Variants in SH3KBP1 observed in about 807,000 individuals in gnomAD.
SH3KBP1 encodes SH3 domain-containing kinase-binding protein 1.
SH3KBP1 carries 8 observed loss-of-function variants against 50.1 expected under a neutral mutation model. The ratio of observed to expected loss-of-function variants is 0.16; its 90% CI spans 0.09 to 0.29. The LOEUF (loss-of-function observed/expected upper bound fraction) is 0.29, where lower values mean the gene tolerates loss of function less well. SH3KBP1 is among the 10% of genes least tolerant of loss of function. SH3KBP1 has a pLI of 1.00. For synonymous variants in SH3KBP1, 227 were observed against 218.6 expected (o/e 1.04, Z -0.34); for missense variants, 377 against 535.2 (o/e 0.70, Z 2.92).
chrX:19,581,387 G>A (rs1357320074), intron 12 of SH3KBP1, among the ~76,000 whole-genome samples: 1 of 112,435 alleles, frequency 8.9e-6, no homozygotes, highest in Non-Finnish European at 1.9e-5. Flanking sequence ...CAACACCTGA[G>A]TAATCCCAAT....
chrX:19,695,470 T>C, intron 5 of SH3KBP1, 142 bp downstream of exon 5: 1 of 664,340 alleles, frequency 1.5e-6, no homozygotes, highest in Non-Finnish European at 2.3e-6. Context: ...TAAACCACAG[T>C]GGGTTAAGGC....
At chrX:19,592,226 T>C (rs924718953) in intron 10 of SH3KBP1, 79 bp from the exon 11 acceptor site, 3 of 829,669 alleles carry the variant, frequency 3.6e-6, no homozygotes, top group South Asian at 2.2e-5. Context: ...TAAATCTTTA[T>C]CAGGTAGAGC....
chrX:19,735,724 C>CGGGG (rs1175892426), intron 3 of SH3KBP1, among the ~76,000 whole-genome samples: 21 of 8,590 alleles, frequency 2.4e-3, no homozygotes, highest in Non-Finnish European at 5.0e-3. Context: ...TTTTTTTTGG[C>CGGGG]GGGGGGGGGG....
At chrX:19,823,021 A>G (rs2067571538) in intron 2 of SH3KBP1, among the ~76,000 whole-genome samples, 1 of 111,880 alleles carries the variant, frequency 8.9e-6, no homozygotes, top group Non-Finnish European at 1.9e-5. Flanking sequence ...TTGTTTGCCC[A>G]GGACTTCCAA....
At chrX:19,551,210 T>A (rs1377073588) in intron 13 of SH3KBP1, among the ~76,000 whole-genome samples, 1 of 112,058 alleles carries the variant, frequency 8.9e-6, no homozygotes, top group East Asian at 2.8e-4. Flanking sequence ...GACATTATCC[T>A]AGCACCTGAT....
intron 1 of SH3KBP1, among the ~76,000 whole-genome samples, chrX:19,840,424 AAATAT>A (rs750140322): frequency 1.6e-3 from 181 of 112,895 alleles, no homozygotes; most frequent in African/African-American, 4.8e-3. Context: ...TGGGTTAAAT[AAATAT>A]ATTATACAAA....
intron 3 of SH3KBP1, among the ~76,000 whole-genome samples, chrX:19,733,229 TTGA>T (rs1166881570): frequency 1.8e-5 from 2 of 111,654 alleles, no homozygotes; most frequent in Non-Finnish European, 3.8e-5. Flanking sequence ...AAATTTTAAC[TTGA>T]TGACATGATT....
intron 12 of SH3KBP1, among the ~76,000 whole-genome samples, chrX:19,575,833 G>A (rs755240080): frequency 2.3e-3 from 256 of 112,186 alleles, no homozygotes; most frequent in African/African-American, 7.5e-3. Flanking sequence ...GAAATTCTGT[G>A]AAGCATGTGT....
chrX:19,609,346 A>G (rs1224347122), intron 8 of SH3KBP1, among the ~76,000 whole-genome samples: 1 of 111,772 alleles, frequency 8.9e-6, no homozygotes, highest in African/African-American at 3.3e-5. Context: ...TGTCAAATAT[A>G]AAATTCCTTG....
intron 12 of SH3KBP1, among the ~76,000 whole-genome samples, chrX:19,573,343 G>C (rs770633389): frequency 6.9e-4 from 77 of 111,638 alleles, no homozygotes; most frequent in Admixed American, 1.4e-3. Flanking sequence ...CTGGAGTGCA[G>C]TGGCGTAATC....
chrX:19,708,319 C>T (rs972124707), intron 3 of SH3KBP1, among the ~76,000 whole-genome samples: 1 of 112,514 alleles, frequency 8.9e-6, no homozygotes, highest in Non-Finnish European at 1.9e-5. Flanking sequence ...AGTTCAGAAT[C>T]GATATCTTGT....
intron 1 of SH3KBP1, among the ~76,000 whole-genome samples, chrX:19,884,315 G>A (rs769175515): frequency 3.5e-5 from 4 of 112,904 alleles, no homozygotes. Context: ...ATGCAAAGAA[G>A]ATCAACAAAC....
At chrX:19,752,226 G>A (rs1402397248) in intron 2 of SH3KBP1, among the ~76,000 whole-genome samples, 6 of 111,736 alleles carry the variant, frequency 5.4e-5, no homozygotes, top group East Asian at 2.8e-4. Context: ...TAGTACTGAC[G>A]TCATCATTTA....
chrX:19,641,659 T>C (rs771630041), intron 7 of SH3KBP1, among the ~76,000 whole-genome samples: 2 of 112,106 alleles, frequency 1.8e-5, no homozygotes, highest in Admixed American at 9.4e-5. Context: ...AGATACATTA[T>C]GTGCTGTTTT....
intron 4 of SH3KBP1, among the ~76,000 whole-genome samples, chrX:19,699,286 A>G (rs760128496): frequency 8.9e-6 from 1 of 112,685 alleles, no homozygotes; most frequent in East Asian, 2.8e-4. Context: ...AAAGAAAGAA[A>G]TGCGTCTCTT....
chrX:19,542,292 C>T (rs1337563995), intron 15 of SH3KBP1, 99 bp from the exon 16 acceptor site: 4 of 819,079 alleles, frequency 4.9e-6, no homozygotes, highest in East Asian at 3.5e-5. Context: ...ACTGTCCCCG[C>T]CTCTCTCCAC....
intron 6 of SH3KBP1, among the ~76,000 whole-genome samples, chrX:19,672,746 C>T (rs2062828114): frequency 9.0e-6 from 1 of 111,387 alleles, no homozygotes; most frequent in Non-Finnish European, 1.9e-5. Context: ...CTGAATAAAG[C>T]ATGGATGTTA....
At chrX:19,767,213 T>C (rs770756960) in intron 2 of SH3KBP1, among the ~76,000 whole-genome samples, 35 of 112,037 alleles carry the variant, frequency 3.1e-4, no homozygotes, top group African/African-American at 1.1e-3. Context: ...TCATTCTGCC[T>C]GGGAAAACTC....
chrX:19,686,948 T>C (rs1254678190), intron 5 of SH3KBP1, among the ~76,000 whole-genome samples: 1 of 111,812 alleles, frequency 8.9e-6, no homozygotes, highest in East Asian at 2.8e-4. Context: ...CCATGAGATA[T>C]TTTTATCTAT....
Sources: allele counts gnomAD v4.1 joint callset (sites outside exome capture counted in the v4.1 genomes callset), GRCh38; gene constraint gnomAD v4.1.1; transcripts MANE v1.5; gene names NCBI Gene and HGNC (gene_info 2026-07-23, HGNC 2026-07-21).